MAGT1: variants seen among roughly 807,000 people sequenced by gnomAD.
MAGT1 encodes dolichyl-diphosphooligosaccharide--protein glycosyltransferase subunit MAGT1.
A neutral mutation model predicts 28.4 loss-of-function variants in MAGT1; 4 were observed. That is an observed-to-expected ratio of 0.14 (90% CI 0.07 to 0.32). The LOEUF (loss-of-function observed/expected upper bound fraction) is 0.32. MAGT1 is among the 10% of genes least tolerant of loss of function. The pLI, the probability that MAGT1 is intolerant of heterozygous loss-of-function variation, is 1.00. For synonymous variants in MAGT1, 89 were observed against 89.7 expected (o/e 0.99, Z 0.04); for missense variants, 193 against 264.5 (o/e 0.73, Z 1.88).
chrX:77,882,010 T>A (rs1341336581), intron 1 of MAGT1, among the ~76,000 whole-genome samples: 1 of 112,174 alleles, frequency 8.9e-6, no homozygotes, highest in Non-Finnish European at 1.9e-5. Flanking sequence ...AATCAATAAA[T>A]GTAATCCAGC....
chrX:77,842,528 T>C (rs2076937860), intron 7 of MAGT1, among the ~76,000 whole-genome samples: 1 of 111,757 alleles, frequency 8.9e-6, no homozygotes, highest in Non-Finnish European at 1.9e-5. Context: ...CCTATTCTAA[T>C]AAAAAAGAAA....
rs144694731 is a variant in MAGT1 at position 77,895,411 on chromosome X, G to A, written c.-1C>T. ...ACCAAAACCGCCAACGCGCTGCCAT[G>A]TTCGCTCCTCTCCCTTCTATAAGTG... On this transcript the variant is annotated 5_prime_UTR_variant, in exon 1 of 10. Transcript: ENST00000618282. 72 of 1,209,838 alleles carry A rather than the reference G, an allele frequency of 6.0e-5. No homozygotes were observed. Among genetic ancestry groups the A allele is most frequent in the Middle Eastern group, 2.3e-4 (1 of 4,377 alleles).
In MAGT1 at chrX:77,857,353, T is replaced by C; in HGVS notation, c.531+4A>G. On this transcript the variant is annotated splice_donor_region_variant and intron_variant, in intron 4 of 9. Transcript: ENST00000618282. ...GAAACAGTCTACATAGTTGGGAAAC[T>C]TACATTGACATCAGTTCTGTCGGCG... 2.5e-6 allele frequency: 3 copies of C among 1,211,604 alleles called. No homozygotes were observed. The highest frequency in any genetic ancestry group is 3.4e-6 in the Non-Finnish European group (3 of 895,441).
chrX:77,849,498 G>A (rs79637994), intron 7 of MAGT1, among the ~76,000 whole-genome samples: 2,040 of 111,358 alleles, frequency 0.018, 117 homozygotes, highest in Admixed American at 0.14. Flanking sequence ...AATGATGATG[G>A]AAAATGCTCT....
chrX:77,861,491 G>T (rs924678656), intron 3 of MAGT1, among the ~76,000 whole-genome samples: 6 of 111,797 alleles, frequency 5.4e-5, no homozygotes, highest in Admixed American at 9.6e-5. Context: ...CAGCATGGAG[G>T]TTCCCCCAAA....
chrX:77,871,017 T>A (rs962962817), intron 2 of MAGT1, 92 bp from the exon 3 acceptor site: 3 of 618,474 alleles, frequency 4.9e-6, no homozygotes, highest in South Asian at 2.2e-5. Flanking sequence ...AAGCAAGCAA[T>A]AGCAGGTTTT....
At chrX:77,849,194 A>C (rs1055970695) in intron 7 of MAGT1, among the ~76,000 whole-genome samples, 1 of 108,448 alleles carries the variant, frequency 9.2e-6, no homozygotes, top group African/African-American at 3.4e-5. Context: ...CTCCTGCCTC[A>C]GCCTCCCAAG....
intron 1 of MAGT1, among the ~76,000 whole-genome samples, chrX:77,876,496 A>G (rs1291938573): frequency 9.0e-6 from 1 of 110,549 alleles, no homozygotes; most frequent in African/African-American, 3.3e-5. Flanking sequence ...TTTAAGGTTT[A>G]CTATGTAGCC....
At chrX:77,843,094 T>C (rs927687221) in intron 7 of MAGT1, among the ~76,000 whole-genome samples, 1 of 112,343 alleles carries the variant, frequency 8.9e-6, no homozygotes, top group East Asian at 2.8e-4. Context: ...TGTACATACA[T>C]GTTGTATGCT....
Position 77,866,001 on chromosome X carries a change from T to TA in MAGT1, c.390+4806dup, listed in dbSNP as rs375182434. 2.2e-3 allele frequency among the ~76,000 whole-genome samples: 143 copies of TA among 64,267 alleles called. 19 individuals carry two copies. Among genetic ancestry groups the TA allele is most frequent in the African/African-American group, 3.4e-3 (94 of 27,977 alleles). The allele number at this position is 64,267 out of a possible 115,157, so 55.8% of individuals were successfully genotyped here. On this transcript the variant is annotated intron_variant, in intron 3 of 9. Coordinates refer to ENST00000618282, the MANE Select transcript of MAGT1 (RefSeq NM_001367916.1). ...CGAAACCCCTGTCTCTACTAAAAAT[T>TA]AAAAAAAATTAGCCAGGTGTGGTGG...
At chrX:77,879,885 C>T (rs1207606243) in intron 1 of MAGT1, among the ~76,000 whole-genome samples, 6 of 91,434 alleles carry the variant, frequency 6.6e-5, no homozygotes, top group Non-Finnish European at 4.2e-5. Context: ...CATGCCCAGG[C>T]TGAAGTGCGA....
intron 1 of MAGT1, among the ~76,000 whole-genome samples, chrX:77,883,553 C>CTTTTTTT (rs1166624171): frequency 5.0e-4 from 31 of 61,667 alleles, no homozygotes; most frequent in African/African-American, 8.9e-4. Flanking sequence ...AATTCATTTT[C>CTTTTTTT]TTTTTTTTTT....
In MAGT1 at chrX:77,826,967, A is replaced by T. The variant is rs963772645; in HGVS notation, c.*2253T>A. On this transcript the variant is annotated 3_prime_UTR_variant, in exon 10 of 10. Transcript: ENST00000618282. ...ACGAAAAACAAAAAACCCACATAAA[A>T]TATTTCTTCTGAGGCTACTATATCC... The T allele has an allele frequency of 8.9e-6, 1 of 112,118 alleles. No homozygotes were observed. Among genetic ancestry groups the T allele is most frequent in the Non-Finnish European group, 1.9e-5 (1 of 53,247 alleles). 9.2% of individuals were successfully genotyped at this position (112,118 alleles called of 1,213,427 possible).
At chrX:77,881,622 C>T (rs1557218465) in intron 1 of MAGT1, among the ~76,000 whole-genome samples, 1 of 110,753 alleles carries the variant, frequency 9.0e-6, no homozygotes, top group Non-Finnish European at 1.9e-5. Flanking sequence ...GCATAGTATT[C>T]CATGGTGTAT....
At chrX:77,830,542 G>A (rs782219145) in intron 9 of MAGT1, among the ~76,000 whole-genome samples, 5 of 110,552 alleles carry the variant, frequency 4.5e-5, no homozygotes, top group Non-Finnish European at 9.5e-5. Context: ...TTGAACCCGG[G>A]AGGCAGAGGT....
In MAGT1 at chrX:77,875,493, C is replaced by G; in HGVS notation, c.207G>C (p.Pro69=). Residue 69 remains proline (P), a synonymous_variant, in exon 2 of 10, where the codon CCG becomes CCC. Coordinates refer to ENST00000618282, the MANE Select transcript of MAGT1 (RefSeq NM_001367916.1). ...DKFRRLVKAP[P]RNYSVIVMFT... ...ACATGACGATAACGGAGTAATTTCT[C>G]GGTGGGGCTTTCACAAGGCGACGGA... The G allele has an allele frequency of 8.3e-7, 1 of 1,209,766 alleles. No individual in the cohort carries two copies. The highest frequency in any genetic ancestry group is 1.1e-6 in the Non-Finnish European group (1 of 894,533).
At position 77,848,611 on chromosome X, in the gene MAGT1, C is replaced by T. The variant is rs782294973; in HGVS notation, c.826+5290G>A. Among the ~76,000 whole-genome samples the T allele has an allele frequency of 8.0e-5, 9 of 111,892 alleles. 1 individual carries two copies. In the South Asian group the frequency reaches 2.9e-3, roughly 36 times the overall value. On this transcript the variant is annotated intron_variant, in intron 7 of 9. Coordinates refer to ENST00000618282, the MANE Select transcript of MAGT1 (RefSeq NM_001367916.1). Reference sequence around the variant, plus strand: ...ATATATTAAGATAGCAAACTCCATACACAACATGTCTACAAGTATAAAAAA... The same window carrying T: ...ATATATTAAGATAGCAAACTCCATATACAACATGTCTACAAGTATAAAAAA...
chrX:77,874,845 A>G (rs1432579300), intron 2 of MAGT1, among the ~76,000 whole-genome samples: 1 of 109,132 alleles, frequency 9.2e-6, no homozygotes, highest in Non-Finnish European at 1.9e-5. Flanking sequence ...ATACAGTTAC[A>G]TAAGTTGATA....
Position 77,856,745 on chromosome X carries a change from A to G in MAGT1, c.660T>C (p.Ala220=). The G allele has an allele frequency of 8.3e-7, 1 of 1,209,861 alleles. No individual in the cohort carries two copies. The highest frequency in any genetic ancestry group is 1.1e-6 in the Non-Finnish European group (1 of 894,045). The change falls in exon 5 of 10, where the codon GCT becomes GCC. Residue 220 remains alanine (A), a synonymous_variant. Transcript: ENST00000618282. ...GAAATTCACTCACCAAAGCTGCAAA[A>G]GCCCATCCAGTTTTATTAAAGAGAA... is the stretch of plus-strand genomic sequence containing the variant. ...MEFLFNKTGW[A]FAALCFVLAM... is the part of the protein sequence containing the mutation.
Sources: gnomAD v4.1 joint callset for allele counts (sites outside exome capture counted in the v4.1 genomes callset) on GRCh38, gnomAD v4.1.1 for gene constraint, MANE v1.5 for transcripts, NCBI Gene and HGNC (gene_info 2026-07-23, HGNC 2026-07-21) for gene names.